NEGR1: variants seen among roughly 807,000 people sequenced by gnomAD.
NEGR1 encodes neuronal growth regulator 1.
NEGR1 carries 10 observed loss-of-function variants against 40.9 expected under a neutral mutation model. The observed-to-expected ratio is 0.24, with a 90% confidence interval of 0.15 to 0.42. The LOEUF (loss-of-function observed/expected upper bound fraction) is 0.42. NEGR1 is among the 10% of genes least tolerant of loss of function. The pLI, the probability that NEGR1 is intolerant of heterozygous loss-of-function variation, is 1.00. For synonymous variants in NEGR1, 185 were observed against 166.8 expected (o/e 1.11, Z -0.84); for missense variants, 352 against 438.9 (o/e 0.80, Z 1.77).
intron 4 of NEGR1, among the ~76,000 whole-genome samples, chr1:71,627,455 A>G (rs900957006): frequency 6.6e-6 from 1 of 152,072 alleles, no homozygotes; most frequent in Admixed American, 6.6e-5. Flanking sequence ...TTTGACTCAG[A>G]AAGAAATCAC....
chr1:71,627,801 T>C (rs1305891300), intron 4 of NEGR1, among the ~76,000 whole-genome samples: 1 of 152,086 alleles, frequency 6.6e-6, no homozygotes, highest in Non-Finnish European at 1.5e-5. Flanking sequence ...TCTATGGGTC[T>C]GCCTTGAAGA....
In NEGR1 at chr1:71,446,731, G is replaced by A. The variant is rs76547769; in HGVS notation, c.941-39161C>T. ...AATACATTGGAAAAGTGCATAAATT[G>A]GAACTCTACAGCTTGATAAATGTTC... On this transcript the variant is annotated intron_variant, in intron 6 of 6. Transcript: ENST00000357731. Among the ~76,000 whole-genome samples the A allele has an allele frequency of 6.0e-3, 912 of 152,186 alleles. 10 individuals carry two copies. The highest frequency in any genetic ancestry group is 0.021 in the African/African-American group (853 of 41,506).
intron 2 of NEGR1, among the ~76,000 whole-genome samples, chr1:71,874,390 T>C (rs757224279): frequency 1.3e-5 from 2 of 152,144 alleles, no homozygotes; most frequent in Non-Finnish European, 2.9e-5. Flanking sequence ...AGTTGTAAAA[T>C]AGTAATGGTA....
intron 4 of NEGR1, among the ~76,000 whole-genome samples, chr1:71,697,048 T>G (rs1466462052): frequency 6.6e-6 from 1 of 151,780 alleles, no homozygotes; most frequent in Non-Finnish European, 1.5e-5. Flanking sequence ...TGAAAGTTAT[T>G]TTTTGGCCCA....
intron 1 of NEGR1, among the ~76,000 whole-genome samples, chr1:71,964,831 A>C (rs1294700606): frequency 6.6e-6 from 1 of 152,168 alleles, no homozygotes; most frequent in Non-Finnish European, 1.5e-5. Context: ...CATTAAAAAA[A>C]AAAATCACTC....
At chr1:72,074,481 GT>G (rs1647629984) in intron 1 of NEGR1, among the ~76,000 whole-genome samples, 1 of 151,672 alleles carries the variant, frequency 6.6e-6, no homozygotes, top group Non-Finnish European at 1.5e-5. Flanking sequence ...GCTGTTCCAG[GT>G]TTTATCGGCA....
intron 1 of NEGR1, among the ~76,000 whole-genome samples, chr1:72,133,204 T>G (rs1650323650): frequency 6.6e-6 from 1 of 152,112 alleles, no homozygotes; most frequent in Admixed American, 6.6e-5. Flanking sequence ...AGAAAAAAAT[T>G]ACCATAAATT....
rs938784399 is a variant in NEGR1 at position 71,585,248 on chromosome 1, T to C, written c.940+7569A>G. ...AATAACAATCAATCAATACATACTA[T>C]CTTTTAAACATGCATAGATTTCTTA... is the stretch of plus-strand genomic sequence containing the variant. On this transcript the variant is annotated intron_variant, in intron 6 of 6. Transcript: ENST00000357731. Among the ~76,000 whole-genome samples, 13 of 152,224 alleles carry C rather than the reference T, an allele frequency of 8.5e-5. No individual in the cohort carries two copies. In the South Asian group the frequency reaches 2.1e-3, roughly 24 times the overall value.
intron 1 of NEGR1, among the ~76,000 whole-genome samples, chr1:72,073,033 G>T (rs979952362): frequency 6.6e-6 from 1 of 152,130 alleles, no homozygotes; most frequent in Admixed American, 6.6e-5. Context: ...ATTTATTGGG[G>T]AATGCTCCTG....
At chr1:72,174,618 T>C (rs1013536256) in intron 1 of NEGR1, among the ~76,000 whole-genome samples, 7 of 152,152 alleles carry the variant, frequency 4.6e-5, no homozygotes, top group African/African-American at 1.7e-4. Context: ...TTCACTGATA[T>C]TCATCAAGTC....
At chr1:71,806,897 TG>T (rs200473017) in intron 2 of NEGR1, among the ~76,000 whole-genome samples, 2,814 of 139,492 alleles carry the variant, frequency 0.02, 287 homozygotes, top group African/African-American at 0.067. Context: ...TGTTTTTTTT[TG>T]TTTTTTTTTT....
At position 71,611,782 on chromosome 1, in the gene NEGR1, G is replaced by A. The variant is rs574085945; in HGVS notation, c.668-636C>T. Reference sequence around the variant, plus strand: ...ATGTAGTTTCTTCTGCCCGAATGCCGTTGTTCCCCATTTCCACAGATTCAA... The same window carrying A: ...ATGTAGTTTCTTCTGCCCGAATGCCATTGTTCCCCATTTCCACAGATTCAA... On this transcript the variant is annotated intron_variant, in intron 4 of 6. Coordinates refer to ENST00000357731, the MANE Select transcript of NEGR1 (RefSeq NM_173808.3). Among the ~76,000 whole-genome samples the A allele has an allele frequency of 3.4e-4, 52 of 152,154 alleles. 1 individual carries two copies. In the South Asian group the frequency reaches 5.0e-3, roughly 15 times the overall value.
rs1242796846 is a variant in NEGR1 at position 72,040,483 on chromosome 1, A to C, written c.177-105172T>G. Reference sequence around the variant, plus strand: ...GAATTGGCAACAATAGACCTTGAGTATAAAATGGAAATGGAATAGATGCTG... The same window carrying C: ...GAATTGGCAACAATAGACCTTGAGTCTAAAATGGAAATGGAATAGATGCTG... On this transcript the variant is annotated intron_variant, in intron 1 of 6. Transcript: ENST00000357731. 3.4e-5 allele frequency among the ~76,000 whole-genome samples: 5 copies of C among 146,264 alleles called. No individual in the cohort carries two copies. In the East Asian group the frequency reaches 1.1e-3, roughly 32 times the overall value.
chr1:72,268,312 A>C (rs934209051), intron 1 of NEGR1, among the ~76,000 whole-genome samples: 2 of 151,470 alleles, frequency 1.3e-5, no homozygotes, highest in Non-Finnish European at 3.0e-5. Flanking sequence ...TGTTCACAAT[A>C]AGTATGGGAG....
intron 3 of NEGR1, among the ~76,000 whole-genome samples, chr1:71,740,438 A>G (rs1394566060): frequency 2.0e-5 from 3 of 152,170 alleles, no homozygotes; most frequent in African/African-American, 7.2e-5. Context: ...ATTAAATATC[A>G]AGTTCACCTG....
chr1:71,939,316 G>C (rs1645938816), intron 1 of NEGR1, among the ~76,000 whole-genome samples: 1 of 151,944 alleles, frequency 6.6e-6, no homozygotes, highest in Admixed American at 6.6e-5. Flanking sequence ...ATTGATTATT[G>C]TCTGTCTCTT....
At chr1:72,133,489 G>C (rs1650333669) in intron 1 of NEGR1, among the ~76,000 whole-genome samples, 1 of 151,916 alleles carries the variant, frequency 6.6e-6, no homozygotes, top group Admixed American at 6.6e-5. Flanking sequence ...TTAAGCAATG[G>C]AAACACTTCA....
chr1:71,750,230 T>C (rs1377953910), intron 3 of NEGR1, among the ~76,000 whole-genome samples: 3 of 151,934 alleles, frequency 2.0e-5, no homozygotes, highest in Non-Finnish European at 4.4e-5. Flanking sequence ...CCTGACTTCA[T>C]GATCCACCCG....
chr1:72,043,413 A>G (rs1197176862), intron 1 of NEGR1, among the ~76,000 whole-genome samples: 2 of 151,694 alleles, frequency 1.3e-5, no homozygotes, highest in Admixed American at 6.6e-5. Context: ...ATAAGAATAT[A>G]TTAATATAAA....
Sources: gnomAD v4.1 joint callset for allele counts (sites outside exome capture counted in the v4.1 genomes callset) on GRCh38, gnomAD v4.1.1 for gene constraint, MANE v1.5 for transcripts, NCBI Gene and HGNC (gene_info 2026-07-23, HGNC 2026-07-21) for gene names.